NRDC: variants seen among roughly 807,000 people sequenced by gnomAD.
The protein encoded by NRDC is nardilysin convertase.
In NRDC, 54 loss-of-function variants were observed where a neutral mutation model predicts 147.1. The ratio of observed to expected loss-of-function variants is 0.37; its 90% confidence interval spans 0.29 to 0.46. The LOEUF (loss-of-function observed/expected upper bound fraction) is 0.46, where lower values mean the gene tolerates loss of function less well. NRDC is among the 20% of genes least tolerant of loss of function. The probability of loss-of-function intolerance (pLI) is 1.00; values close to 1 mark genes in which losing one functional copy is unlikely to be tolerated. For missense variants in NRDC, 1,082 were observed against 1,370.6 expected, an observed-to-expected ratio of 0.79 and a Z score of 3.33; for synonymous variants, 440 against 482.1, an observed-to-expected ratio of 0.91 and a Z score of 1.14.
chr1:51,858,340 G>A (rs1682358444), intron 1 of NRDC, among the ~76,000 whole-genome samples: 2 of 152,042 alleles, frequency 1.3e-5, no homozygotes, highest in African/African-American at 4.8e-5. Context: ...TCAGCTGGAT[G>A]TGGTGGTGTA....
intron 1 of NRDC, among the ~76,000 whole-genome samples, chr1:51,856,908 T>A (rs1682273002): frequency 6.6e-6 from 1 of 151,958 alleles, no homozygotes; most frequent in Non-Finnish European, 1.5e-5. Flanking sequence ...CAAAAAGACT[T>A]TAACAAGGGC....
At chr1:51,793,775 A>T (rs1184963262) in intron 24 of NRDC, among the ~76,000 whole-genome samples, 1 of 152,214 alleles carries the variant, frequency 6.6e-6, no homozygotes, top group Non-Finnish European at 1.5e-5. Flanking sequence ...GAGCCCCAGA[A>T]TTTGGGGAGT....
intron 1 of NRDC, among the ~76,000 whole-genome samples, chr1:51,850,816 G>C (rs1024611156): frequency 1.3e-5 from 2 of 152,122 alleles, no homozygotes; most frequent in African/African-American, 4.8e-5. Context: ...AAATCATAGG[G>C]GAGGTCAGAA....
At chr1:51,809,905 C>CA (rs1342175582) in intron 16 of NRDC, among the ~76,000 whole-genome samples, 6,789 of 132,856 alleles carry the variant, frequency 0.051, 478 homozygotes, top group African/African-American at 0.17. Flanking sequence ...AACTCTGTCT[C>CA]AAAAAAAAAA....
chr1:51,835,997 A>AT (rs1680952775), intron 3 of NRDC, 134 bp downstream of exon 3: 2 of 692,488 alleles, frequency 2.9e-6, no homozygotes, highest in East Asian at 2.7e-5. Flanking sequence ...TAAATCAAGG[A>AT]TTTTTTCTTA....
At chr1:51,823,030 A>T (rs970461054) in intron 7 of NRDC, among the ~76,000 whole-genome samples, 1 of 152,222 alleles carries the variant, frequency 6.6e-6, no homozygotes, top group African/African-American at 2.4e-5. Flanking sequence ...TTTGAAAAAC[A>T]AGTAGGTTGA....
intron 9 of NRDC, 86 bp downstream of exon 9, chr1:51,819,714 T>A (rs946751810): frequency 1.3e-5 from 14 of 1,063,828 alleles, no homozygotes; most frequent in Non-Finnish European, 1.4e-5. Flanking sequence ...GTGTTCTCAT[T>A]TTCAATGAAA....
At chr1:51,803,678 G>C (rs1026416270) in intron 20 of NRDC, 136 bp downstream of exon 20, 3 of 633,120 alleles carry the variant, frequency 4.7e-6, no homozygotes, top group Non-Finnish European at 7.7e-6. Context: ...TAGAATAGCT[G>C]TCATCAGCCA....
At chr1:51,854,398 T>C (rs1236192374) in intron 1 of NRDC, among the ~76,000 whole-genome samples, 1 of 152,016 alleles carries the variant, frequency 6.6e-6, no homozygotes, top group Non-Finnish European at 1.5e-5. Context: ...CTTAATATCC[T>C]CATATCCTAG....
chr1:51,806,472 T>A (rs1679470041), intron 18 of NRDC, among the ~76,000 whole-genome samples: 1 of 152,160 alleles, frequency 6.6e-6, no homozygotes. Context: ...TCCATAAGGA[T>A]TTCTGTGACA....
At chr1:51,868,850 G>T (rs1212885497) in intron 1 of NRDC, among the ~76,000 whole-genome samples, 1 of 152,200 alleles carries the variant, frequency 6.6e-6, no homozygotes, top group Non-Finnish European at 1.5e-5. Context: ...TGCATCCTGA[G>T]AGGGAGTGAG....
intron 2 of NRDC, among the ~76,000 whole-genome samples, chr1:51,836,668 A>T (rs920227254): frequency 6.6e-6 from 1 of 152,208 alleles, no homozygotes; most frequent in Admixed American, 6.5e-5. Context: ...GAAACCTGTC[A>T]ACATGTAACT....
intron 5 of NRDC, among the ~76,000 whole-genome samples, chr1:51,826,521 G>A (rs115309320): frequency 0.018 from 2,738 of 152,218 alleles, 81 homozygotes; most frequent in African/African-American, 0.063. Flanking sequence ...AAAGGCATTG[G>A]ACATGCCTTT....
At chr1:51,868,850 G>C (rs1212885497) in intron 1 of NRDC, among the ~76,000 whole-genome samples, 4 of 152,200 alleles carry the variant, frequency 2.6e-5, no homozygotes, top group Non-Finnish European at 5.9e-5. Context: ...TGCATCCTGA[G>C]AGGGAGTGAG....
intron 4 of NRDC, among the ~76,000 whole-genome samples, chr1:51,830,316 T>C (rs1680652528): frequency 6.6e-6 from 1 of 152,242 alleles, no homozygotes. Flanking sequence ...TGTGTAACTA[T>C]GCCAGTACTT....
At chr1:51,800,425 TA>T in intron 21 of NRDC, 130 bp downstream of exon 21, 1 of 1,067,148 alleles carries the variant, frequency 9.4e-7, no homozygotes, top group Non-Finnish European at 1.4e-6. Context: ...ACGGGTCTCC[TA>T]AACTAGAGCA....
intron 15 of NRDC, 92 bp downstream of exon 15, chr1:51,811,902 T>G: frequency 1.3e-6 from 1 of 756,298 alleles, no homozygotes. Flanking sequence ...TAACTAAGTT[T>G]TCTTCGTTCC....
chr1:51,867,204 A>C (rs1025396586), intron 1 of NRDC, among the ~76,000 whole-genome samples: 1 of 152,186 alleles, frequency 6.6e-6, no homozygotes, highest in Non-Finnish European at 1.5e-5. Flanking sequence ...AAAAAGACTG[A>C]AAAGTATATC....
chr1:51,794,088 T>TTA (rs775905735), intron 24 of NRDC: 8 of 167,084 alleles, frequency 4.8e-5, no homozygotes, highest in Admixed American at 1.7e-4. Context: ...CTTTAAACAT[T>TTA]TATGACTCTA....
Sources: allele counts gnomAD v4.1 joint callset (sites outside exome capture counted in the v4.1 genomes callset), GRCh38; gene constraint gnomAD v4.1.1; transcripts MANE v1.5; gene names NCBI Gene and HGNC (gene_info 2026-07-23, HGNC 2026-07-21).